STK10: variants seen among roughly 807,000 people sequenced by gnomAD.
STK10 encodes serine/threonine-protein kinase 10.
A neutral mutation model predicts 113.8 loss-of-function variants in STK10; 78 were observed. The observed-to-expected ratio is 0.69, with a 90% CI of 0.57 to 0.83. The LOEUF (loss-of-function observed/expected upper bound fraction) is 0.83, where lower values mean the gene tolerates loss of function less well. Among genes scored for constraint, STK10 ranks in the 40% least tolerant of loss-of-function variants. STK10 has a pLI of 0.00. For missense variants in STK10, 1,109 were observed against 1,280.1 expected, an observed-to-expected ratio of 0.87 and a Z score of 2.04; for synonymous variants, 465 against 494.7, an observed-to-expected ratio of 0.94 and a Z score of 0.80.
At chr5:172,096,652 G>A in intron 7 of STK10, 92 bp from the exon 8 acceptor site, 1 of 1,544,322 alleles carries the variant, frequency 6.5e-7, no homozygotes, top group Non-Finnish European at 8.8e-7. Context: ...GGCAGAAAAG[G>A]CCAGCCTCAT....
chr5:172,078,757 G>A (rs1410542461), intron 12 of STK10, among the ~76,000 whole-genome samples: 1 of 149,190 alleles, frequency 6.7e-6, no homozygotes, highest in Admixed American at 6.6e-5. Flanking sequence ...GGAACCCCAG[G>A]TGCCAGATCC....
intron 2 of STK10, among the ~76,000 whole-genome samples, chr5:172,143,314 G>A (rs1349001963): frequency 1.3e-5 from 2 of 152,136 alleles, no homozygotes; most frequent in East Asian, 1.9e-4. Flanking sequence ...GCAGTGAGCC[G>A]AGATCGTGCC....
At chr5:172,103,811 T>A (rs35498457) in intron 7 of STK10, among the ~76,000 whole-genome samples, 1 of 152,204 alleles carries the variant, frequency 6.6e-6, no homozygotes. Context: ...GCACTGTGCT[T>A]AAGAGTTAAG....
chr5:172,128,367 C>T (rs1769674077), intron 2 of STK10, among the ~76,000 whole-genome samples: 1 of 133,948 alleles, frequency 7.5e-6, no homozygotes, highest in African/African-American at 2.9e-5. Context: ...TTTAGACAGA[C>T]TCTCGCTCTT....
At chr5:172,106,935 A>G (rs1330218560) in intron 5 of STK10, 121 bp from the exon 6 acceptor site, 2 of 985,952 alleles carry the variant, frequency 2.0e-6, no homozygotes, top group Non-Finnish European at 3.0e-6. Flanking sequence ...CCGAATCATG[A>G]TCTGCGTGAC....
At chr5:172,114,731 C>A (rs972825827) in intron 4 of STK10, 3 of 151,832 alleles carry the variant, frequency 2.0e-5, no homozygotes, top group African/African-American at 7.3e-5. Context: ...GATCCGCCCG[C>A]CTCGGCCTCC....
At chr5:172,096,396 C>G (rs376352846) in intron 8 of STK10, 30 bp downstream of exon 8, 1 of 1,606,454 alleles carries the variant, frequency 6.2e-7, no homozygotes, top group East Asian at 2.2e-5. Context: ...CCTCCCAGCC[C>G]CCGCTAAGCC....
intron 3 of STK10, among the ~76,000 whole-genome samples, chr5:172,118,336 T>A (rs554436936): frequency 5.1e-4 from 78 of 152,252 alleles, no homozygotes; most frequent in Non-Finnish European, 1.1e-3. Flanking sequence ...TTACTATGTG[T>A]CTGGCTCTGT....
chr5:172,087,989 G>A (rs904876056), intron 10 of STK10, among the ~76,000 whole-genome samples: 5 of 151,846 alleles, frequency 3.3e-5, no homozygotes, highest in Admixed American at 6.6e-5. Context: ...GCGGTGGCAT[G>A]AACGCAGCTC....
At chr5:172,139,778 A>G (rs1410628725) in intron 2 of STK10, among the ~76,000 whole-genome samples, 2 of 152,056 alleles carry the variant, frequency 1.3e-5, no homozygotes, top group African/African-American at 4.8e-5. Flanking sequence ...AATTGTTGCC[A>G]AAAGAAATTA....
At position 172,054,586 on chromosome 5, in the gene STK10, C is replaced by T. The variant is rs1209153839; in HGVS notation, c.2635G>A (p.Glu879Lys). 1.9e-6 allele frequency: 3 copies of T among 1,607,730 alleles called. No homozygotes were observed. Among genetic ancestry groups the T allele is most frequent in the South Asian group, 2.2e-5 (2 of 91,004 alleles). Residue 879 changes from glutamate (E) to lysine (K), a missense_variant, in exon 17 of 19, where the codon GAG (glutamate) becomes AAG (lysine). Physicochemically the swap from Glu to Lys is moderately conservative, Grantham distance 56 (BLOSUM62 1). Coordinates refer to ENST00000176763, the MANE Select transcript of STK10 (RefSeq NM_005990.4). ...GGCGGTACCTGCAGCTGCTGCAGCT[C>T]GCTCATGTTGCTCTCACACTGCGCC... ...MLAQCESNMS[E>K]LQQLQNEKCH... is the part of the protein sequence containing the mutation.
At chr5:172,179,259 G>C (rs989743377) in intron 1 of STK10, among the ~76,000 whole-genome samples, 3 of 152,188 alleles carry the variant, frequency 2.0e-5, no homozygotes, top group African/African-American at 7.2e-5. Context: ...CAGGTTCAGA[G>C]GAGGAGGTGG....
intron 4 of STK10, among the ~76,000 whole-genome samples, chr5:172,116,677 G>T (rs1769392159): frequency 2.0e-5 from 3 of 151,638 alleles, no homozygotes; most frequent in Non-Finnish European, 4.4e-5. Flanking sequence ...AGACCAGCCT[G>T]GCCAACATGG....
intron 1 of STK10, among the ~76,000 whole-genome samples, chr5:172,165,313 C>A (rs1770549036): frequency 6.6e-6 from 1 of 152,242 alleles, no homozygotes. Flanking sequence ...GATGAGGAAG[C>A]TGAGTCCACC....
At chr5:172,176,790 T>G (rs998444633) in intron 1 of STK10, among the ~76,000 whole-genome samples, 3 of 152,224 alleles carry the variant, frequency 2.0e-5, no homozygotes, top group Non-Finnish European at 4.4e-5. Flanking sequence ...AAAATTCTTA[T>G]GTTGAAATCC....
At chr5:172,076,217 GCGTC>G (rs1424721382) in intron 12 of STK10, among the ~76,000 whole-genome samples, 6 of 92,152 alleles carry the variant, frequency 6.5e-5, no homozygotes, top group African/African-American at 2.7e-4. Context: ...TGTTGTGGGG[GCGTC>G]CTGTGCATTT....
At chr5:172,053,177 T>C in intron 17 of STK10, 135 bp from the exon 18 acceptor site, 1 of 672,912 alleles carries the variant, frequency 1.5e-6, no homozygotes, top group Non-Finnish European at 2.6e-6. Context: ...TAAATCCCAT[T>C]TATTCAAACT....
At chr5:172,100,065 G>A (rs1051783601) in intron 7 of STK10, among the ~76,000 whole-genome samples, 8 of 152,238 alleles carry the variant, frequency 5.3e-5, no homozygotes, top group African/African-American at 1.7e-4. Context: ...CCCGTCCTAT[G>A]GCTGATTAGG....
chr5:172,173,403 G>C (rs753570777), intron 1 of STK10, among the ~76,000 whole-genome samples: 3 of 152,226 alleles, frequency 2.0e-5, no homozygotes, highest in African/African-American at 4.8e-5. Flanking sequence ...AGGGCCAAGC[G>C]TTGGGCCTGG....
Sources: gnomAD v4.1 joint callset for allele counts (sites outside exome capture counted in the v4.1 genomes callset) on GRCh38, gnomAD v4.1.1 for gene constraint, MANE v1.5 for transcripts, NCBI Gene and HGNC (gene_info 2026-07-23, HGNC 2026-07-21) for gene names.